SLC36A1: variants seen among roughly 807,000 people sequenced by gnomAD.
SLC36A1 encodes solute carrier family 36 member 1, also known as proton-coupled amino acid transporter 1.
SLC36A1 carries 30 observed loss-of-function variants against 47.5 expected under a neutral mutation model. The ratio of observed to expected loss-of-function variants is 0.63; its 90% CI spans 0.47 to 0.86. The LOEUF (loss-of-function observed/expected upper bound fraction) is 0.86, where lower values mean the gene tolerates loss of function less well. Ranked by LOEUF, SLC36A1 falls within the 40% of genes least tolerant of loss-of-function variation. The probability of loss-of-function intolerance (pLI) is 0.00; values close to 1 mark genes in which losing one functional copy is unlikely to be tolerated. For synonymous variants in SLC36A1, 255 were observed against 249.7 expected (o/e 1.02, Z -0.20); for missense variants, 517 against 606.0 (o/e 0.85, Z 1.54).
intron 5 of SLC36A1, among the ~76,000 whole-genome samples, chr5:151,466,341 A>G (rs1289820676): frequency 1.3e-5 from 2 of 152,250 alleles, no homozygotes; most frequent in Non-Finnish European, 2.9e-5. Flanking sequence ...AATTTGCTGT[A>G]TAAGTAGAAA....
the SLC36A1 span, chr5:151,542,532 A>T: frequency 6.2e-7 from 1 of 1,614,230 alleles, no homozygotes; most frequent in Non-Finnish European, 8.5e-7. Context: ...GGCAGGTCTC[A>T]CAGTCAAGTT....
At chr5:151,523,243 G>T in the SLC36A1 span, among the ~76,000 whole-genome samples, 48 of 152,028 alleles carry the variant, frequency 3.2e-4, no homozygotes, top group Admixed American at 3.1e-3. Context: ...ATAATGTATA[G>T]CTAACATTAG....
the SLC36A1 span, chr5:151,540,684 G>A: frequency 3.2e-5 from 52 of 1,614,204 alleles, no homozygotes; most frequent in African/African-American, 1.7e-4. Context: ...CTGTATGCTC[G>A]CGGTCCAGGG....
chr5:151,495,637 C>G (rs1760317135), downstream of SLC36A1, among the ~76,000 whole-genome samples: 1 of 152,118 alleles, frequency 6.6e-6, no homozygotes, highest in South Asian at 2.1e-4. Flanking sequence ...CCTCAAGACT[C>G]CTTATGCTAC....
chr5:151,415,025 AAG>A, the SLC36A1 span, among the ~76,000 whole-genome samples: 1 of 152,104 alleles, frequency 6.6e-6, no homozygotes, highest in Non-Finnish European at 1.5e-5. Context: ...GTATGGAGTC[AAG>A]AGGGCCTGCC....
chr5:151,524,469 A>G, the SLC36A1 span, among the ~76,000 whole-genome samples: 2 of 152,190 alleles, frequency 1.3e-5, no homozygotes, highest in Admixed American at 6.5e-5. Flanking sequence ...ACAGTCTGCC[A>G]TTCAGAAGAG....
rs1561789469 is a variant in SLC36A1, at chr5:151,487,934, C to A, written c.1160-49C>A. On this transcript the variant is annotated intron_variant, in intron 10 of 10. Transcript: ENST00000243389. ...TTCGCTCAACAGTAGGGAGACAGAC[C>A]TTTCCCAGCTCTGGGCATCTTAAAC... 3.7e-6 allele frequency: 6 copies of A among 1,604,122 alleles called. No individual in the cohort carries two copies. The South Asian group carries it at 6.7e-5, about 18-fold the overall frequency.
chr5:151,390,052 C>T, the SLC36A1 span, among the ~76,000 whole-genome samples: 144 of 152,292 alleles, frequency 9.5e-4, no homozygotes, highest in Middle Eastern at 3.4e-3. Flanking sequence ...CCTATTTCTC[C>T]ACATCCTCTC....
At chr5:151,390,234 T>C in the SLC36A1 span, among the ~76,000 whole-genome samples, 2 of 152,248 alleles carry the variant, frequency 1.3e-5, no homozygotes, top group Non-Finnish European at 2.9e-5. Flanking sequence ...GTTCATATCC[T>C]TCACCCATTT....
chr5:151,546,093 T>TG, the SLC36A1 span: 1 of 1,614,156 alleles, frequency 6.2e-7, no homozygotes. Context: ...CAAGGAGGAT[T>TG]GGGGAACCAA....
chr5:151,380,385 C>G, the SLC36A1 span: 5 of 371,576 alleles, frequency 1.3e-5, no homozygotes, highest in Non-Finnish European at 2.7e-5. Flanking sequence ...CCAGAGTGAG[C>G]AGGAAAAACA....
chr5:151,451,894 A>G (rs1753714407), intron 1 of SLC36A1, among the ~76,000 whole-genome samples: 1 of 152,164 alleles, frequency 6.6e-6, no homozygotes, highest in African/African-American at 2.4e-5. Flanking sequence ...TGTGGTAGAA[A>G]GAATACTGGA....
At chr5:151,424,239 C>T in the SLC36A1 span, among the ~76,000 whole-genome samples, 1 of 152,162 alleles carries the variant, frequency 6.6e-6, no homozygotes, top group Non-Finnish European at 1.5e-5. Context: ...AACATGGAGA[C>T]TCTCCCAGTC....
rs1010913235 is a variant in SLC36A1, at chr5:151,464,687, A to G, written c.323+85A>G. On this transcript the variant is annotated intron_variant, in intron 4 of 10. Transcript: ENST00000243389. ...ACCCTGAAAATGAGCACTGATGCAG[A>G]CCACTCTCAATTCTTTACACTGGCT... 31 of 1,106,352 alleles carry G rather than the reference A, an allele frequency of 2.8e-5. No homozygotes were observed. In the Admixed American group the frequency reaches 5.6e-4, roughly 20 times the overall value. 68.5% of individuals were successfully genotyped at this position (1,106,352 alleles called of 1,614,324 possible).
At chr5:151,536,855 C>T in the SLC36A1 span, among the ~76,000 whole-genome samples, 1 of 152,238 alleles carries the variant, frequency 6.6e-6, no homozygotes, top group East Asian at 1.9e-4. Flanking sequence ...GGATTTGGCT[C>T]TGCCCACCCT....
chr5:151,464,684 C>A, intron 4 of SLC36A1, 82 bp downstream of exon 4: 1 of 1,126,326 alleles, frequency 8.9e-7, no homozygotes, highest in Non-Finnish European at 1.3e-6. Flanking sequence ...AGCACTGATG[C>A]AGACCACTCT....
At chr5:151,470,442 C>A (rs1406505112) in intron 7 of SLC36A1, among the ~76,000 whole-genome samples, 1 of 152,208 alleles carries the variant, frequency 6.6e-6, no homozygotes, top group East Asian at 1.9e-4. Flanking sequence ...AACCAGGACA[C>A]AGAGCAATGT....
the SLC36A1 span, chr5:151,382,354 G>A: frequency 3.9e-5 from 31 of 788,658 alleles, no homozygotes; most frequent in South Asian, 3.1e-4. Flanking sequence ...CTGGCCATGC[G>A]CCAGCTCAAA....
At chr5:151,433,260 ATAT>A (rs1759541312), upstream of SLC36A1, among the ~76,000 whole-genome samples, 1 of 13,352 alleles carries the variant, frequency 7.5e-5, no homozygotes, top group East Asian at 1.6e-3. Flanking sequence ...ATATATATAT[ATAT>A]ATATTTTTTT....
Sources: gnomAD v4.1 joint callset for allele counts (sites outside exome capture counted in the v4.1 genomes callset) on GRCh38, gnomAD v4.1.1 for gene constraint, MANE v1.5 for transcripts, NCBI Gene and HGNC (gene_info 2026-07-23, HGNC 2026-07-21) for gene names.